The following MAPT variants were observed in gnomAD, a reference collection of about 807,000 sequenced individuals.
MAPT encodes the protein microtubule-associated protein tau.
Under a neutral mutation model 67.9 loss-of-function variants are expected in MAPT, and 34 were observed. That is an observed-to-expected ratio of 0.50 (90% CI 0.38 to 0.67). The LOEUF is 0.67. MAPT is among the 30% of genes least tolerant of loss of function. The pLI is 0.00. For missense variants in MAPT, 881 were observed against 1,115.2 expected, an observed-to-expected ratio of 0.79 and a Z score of 2.99; for synonymous variants, 456 against 464.5, an observed-to-expected ratio of 0.98 and a Z score of 0.23.
chr17:45,983,814 C>A lies in MAPT; in HGVS notation c.1235C>A (p.Ala412Asp). Residue 412 changes from alanine to aspartate, a missense_variant, in exon 5 of 13, where the codon GCC (alanine) becomes GAC (aspartate). Physicochemically the swap from Ala to Asp is moderately radical, Grantham distance 126. Around this residue, in one of 6 missense-constraint regions of MAPT, gnomAD observed 687 missense variants for 766.1 expected, o/e 0.90. Coordinates refer to ENST00000262410, the MANE Select transcript of MAPT (RefSeq NM_001377265.1). ...FPGAPGEGPE[A>D]RGPSLGEDTK... is the part of the protein sequence containing the mutation. ...GGGGCCCCTGGAGAGGGGCCAGAGGCCCGGGGCCCCTCTTTGGGAGAGGAC... is the reference window on the plus strand; with the variant it reads ...GGGGCCCCTGGAGAGGGGCCAGAGGACCGGGGCCCCTCTTTGGGAGAGGAC... 1 of 1,613,146 alleles carries A rather than the reference C, an allele frequency of 6.2e-7. No homozygotes were observed. The highest frequency in any genetic ancestry group is 8.5e-7 in the Non-Finnish European group (1 of 1,179,898).
At chr17:46,004,930 C>G (rs934472299) in intron 9 of MAPT, among the ~76,000 whole-genome samples, 2 of 152,104 alleles carry the variant, frequency 1.3e-5, no homozygotes, top group Non-Finnish European at 2.9e-5. Context: ...ACTGCAGGTG[C>G]CCGCCACCAC....
At chr17:45,905,961 G>T (rs2064278768) in intron 1 of MAPT, among the ~76,000 whole-genome samples, 1 of 152,200 alleles carries the variant, frequency 6.6e-6, no homozygotes, top group South Asian at 2.1e-4. Flanking sequence ...AAATAGTATA[G>T]CTGCTGCCAC....
chr17:45,903,946 TATATA>T lies in MAPT; in HGVS notation c.-18+9261_-18+9265del, dbSNP rs1286113210. On this transcript the variant is annotated intron_variant, in intron 1 of 12. Transcript: ENST00000262410. Reference sequence around the variant, plus strand: ...ATATATATTATATATTTATATATAATATATATTATATATTATATATTATATATTAT... The same window carrying T: ...ATATATATTATATATTTATATATAATTTATATATTATATATTATATATTAT... 8.4e-4 allele frequency among the ~76,000 whole-genome samples: 14 copies of T among 16,630 alleles called. 1 individual carries two copies. The highest frequency in any genetic ancestry group is 3.6e-3 in the African/African-American group (14 of 3,888). 10.9% of individuals were successfully genotyped at this position (16,630 alleles called of 152,430 possible).
chr17:46,020,417 A>C (rs2076454993), intron 12 of MAPT, among the ~76,000 whole-genome samples: 1 of 152,194 alleles, frequency 6.6e-6, no homozygotes, highest in Non-Finnish European at 1.5e-5. Context: ...CTGGGGTTTC[A>C]GGCCCACACC....
chr17:45,949,745 A>G (rs2068870070), intron 1 of MAPT, among the ~76,000 whole-genome samples: 3 of 152,164 alleles, frequency 2.0e-5, no homozygotes, highest in Admixed American at 1.3e-4. Flanking sequence ...CCCTTGCCCA[A>G]GGAGCTTTCT....
chr17:45,981,432 C>T (rs1182342488), intron 4 of MAPT, among the ~76,000 whole-genome samples: 1 of 152,184 alleles, frequency 6.6e-6, no homozygotes, highest in East Asian at 1.9e-4. Context: ...TGCCCTTGAT[C>T]AGCTGGGTTG....
At chr17:46,002,677 G>GT (rs2075099652) in intron 9 of MAPT, among the ~76,000 whole-genome samples, 1 of 151,306 alleles carries the variant, frequency 6.6e-6, no homozygotes, top group African/African-American at 2.5e-5. Context: ...AAGCCTTGGG[G>GT]CGGGGGGTGC....
At chr17:45,941,523 T>G (rs1250901263) in intron 1 of MAPT, among the ~76,000 whole-genome samples, 1 of 151,842 alleles carries the variant, frequency 6.6e-6, no homozygotes, top group African/African-American at 2.4e-5. Context: ...CAAGCAGAAC[T>G]TCATTTCCTC....
chr17:46,016,615 C>CA, intron 11 of MAPT, among the ~76,000 whole-genome samples: 1 of 150,810 alleles, frequency 6.6e-6, no homozygotes, highest in South Asian at 2.1e-4. Flanking sequence ...ACTAAAAATA[C>CA]AAAAAATTAG....
intron 1 of MAPT, among the ~76,000 whole-genome samples, chr17:45,919,474 C>T (rs1848862810): frequency 2.6e-5 from 4 of 152,352 alleles, no homozygotes; most frequent in Admixed American, 6.5e-5. Context: ...GATCCACGAA[C>T]GGCCTTGTGG....
rs561216332 is a variant in MAPT at position 45,983,895 on chromosome 17, G to C, written c.1316G>C (p.Arg439Pro). 3 of 1,585,252 alleles carry C rather than the reference G, an allele frequency of 1.9e-6. No homozygotes were observed. Among genetic ancestry groups the C allele is most frequent in the East Asian group, 2.2e-5 (1 of 44,606 alleles). The change falls in exon 5 of 13, where the codon CGG (arginine) becomes CCG (proline). Residue 439 changes from arginine (R) to proline (P), a missense_variant. Arg to Pro is a moderately radical substitution (Grantham distance 103). Around this residue, in one of 6 missense-constraint regions of MAPT, gnomAD observed 687 missense variants for 766.1 expected, o/e 0.90. Transcript: ENST00000262410. Reference sequence around the variant, plus strand: ...GAAAAGCAGCCTGCTGCTGCTCCGCGGGGGAAGCCCGTCAGCCGGGTCCCT... The same window carrying C: ...GAAAAGCAGCCTGCTGCTGCTCCGCCGGGGAAGCCCGTCAGCCGGGTCCCT... The part of the protein sequence containing the change: ...PSEKQPAAAP[R>P]GKPVSRVPQL...
chr17:45,944,253 A>G (rs1308076080), intron 1 of MAPT, among the ~76,000 whole-genome samples: 1 of 152,212 alleles, frequency 6.6e-6, no homozygotes, highest in Non-Finnish European at 1.5e-5. Context: ...ACAGCTAGCC[A>G]GTGGACCCCA....
chr17:45,984,504 C>T (rs1335074035), intron 5 of MAPT, among the ~76,000 whole-genome samples: 1 of 152,264 alleles, frequency 6.6e-6, no homozygotes, highest in Non-Finnish European at 1.5e-5. Context: ...ACGCCTAACA[C>T]AGAGATGTGC....
chr17:46,015,804 T>C (rs1210923176), intron 11 of MAPT, among the ~76,000 whole-genome samples: 2 of 152,214 alleles, frequency 1.3e-5, no homozygotes, highest in Non-Finnish European at 2.9e-5. Flanking sequence ...ATTGTGTGTC[T>C]GTATCAAAAC....
intron 1 of MAPT, among the ~76,000 whole-genome samples, chr17:45,914,319 G>T (rs1488593844): frequency 2.0e-5 from 3 of 151,838 alleles, no homozygotes; most frequent in African/African-American, 7.2e-5. Context: ...CAGCTTCCAA[G>T]AATTAACCCT....
intron 4 of MAPT, among the ~76,000 whole-genome samples, chr17:45,982,348 G>A (rs1391542823): frequency 8.4e-6 from 1 of 119,702 alleles, no homozygotes; most frequent in Non-Finnish European, 1.7e-5. Flanking sequence ...GTGGGGGGCG[G>A]GGGCAGGAGA....
chr17:45,923,155 G>T (rs538696929), intron 1 of MAPT, among the ~76,000 whole-genome samples: 3 of 152,156 alleles, frequency 2.0e-5, no homozygotes, highest in Non-Finnish European at 2.9e-5. Flanking sequence ...GGTGGCAGGG[G>T]TAGGACTCCT....
intron 1 of MAPT, among the ~76,000 whole-genome samples, chr17:45,928,153 C>T: frequency 6.6e-6 from 1 of 152,142 alleles, no homozygotes; most frequent in East Asian, 1.9e-4. Flanking sequence ...CAGGTTTATG[C>T]TGCAGTGACA....
chr17:45,987,731 C>T (rs114543454), intron 6 of MAPT, among the ~76,000 whole-genome samples: 1,618 of 152,334 alleles, frequency 0.011, 19 homozygotes, highest in African/African-American at 0.037. Flanking sequence ...TAGCTCTGAG[C>T]ATTCAGTGGT....
Sources: allele counts gnomAD v4.1 joint callset (sites outside exome capture counted in the v4.1 genomes callset), GRCh38; gene constraint gnomAD v4.1.1; regional missense constraint gnomAD v4.1.1; transcripts MANE v1.5; gene names NCBI Gene and HGNC (gene_info 2026-07-23, HGNC 2026-07-21).